LRRTM3: variants seen among roughly 807,000 people sequenced by gnomAD.
LRRTM3 encodes the protein leucine rich repeat transmembrane neuronal 3, also known as leucine-rich repeat transmembrane neuronal protein 3.
LRRTM3 carries 24 observed loss-of-function variants against 44.7 expected under a neutral mutation model. The ratio of observed to expected loss-of-function variants is 0.54; its 90% confidence interval spans 0.39 to 0.76. LRRTM3 has a LOEUF of 0.76. LRRTM3 is among the 30% of genes least tolerant of loss of function. The pLI is 0.00. For synonymous variants in LRRTM3, 277 were observed against 278.7 expected (o/e 0.99, Z 0.06); for missense variants, 587 against 702.2 (o/e 0.84, Z 1.85).
At chr10:66,955,059 T>G (rs1848717783) in intron 2 of LRRTM3, among the ~76,000 whole-genome samples, 1 of 152,198 alleles carries the variant, frequency 6.6e-6, no homozygotes, top group Admixed American at 6.5e-5. Flanking sequence ...TCCAAATTTC[T>G]TATCATATAA....
At chr10:66,938,477 A>T (rs534135758) in intron 2 of LRRTM3, among the ~76,000 whole-genome samples, 1 of 152,204 alleles carries the variant, frequency 6.6e-6, no homozygotes, top group African/African-American at 2.4e-5. Context: ...AAGGAAAAGA[A>T]AATATATTTA....
At chr10:66,939,415 T>C (rs750217922) in intron 2 of LRRTM3, among the ~76,000 whole-genome samples, 1 of 152,144 alleles carries the variant, frequency 6.6e-6, no homozygotes, top group African/African-American at 2.4e-5. Context: ...AAAAGGAAAA[T>C]ACTAATAGTT....
At chr10:67,026,245 A>T (rs547081447) in intron 2 of LRRTM3, among the ~76,000 whole-genome samples, 190 of 152,102 alleles carry the variant, frequency 1.2e-3, no homozygotes, top group Middle Eastern at 3.4e-3. Context: ...GTACCCTAAA[A>T]CTTAAAGTAT....
chr10:66,971,357 C>T lies in LRRTM3; in HGVS notation c.1536+42905C>T, dbSNP rs529859649. On this transcript the variant is annotated intron_variant, in intron 2 of 2. Transcript: ENST00000361320. ...AGAAGAATCGCTTGAACCCGGGAGG[C>T]GGAGGTTGCAGTGAGCCGAGATCGT... 1.6e-4 allele frequency among the ~76,000 whole-genome samples: 25 copies of T among 152,114 alleles called. No individual in the cohort carries two copies. In the East Asian group the frequency reaches 3.5e-3, roughly 21 times the overall value.
rs1196611487 is a variant in LRRTM3 at position 66,926,401 on chromosome 10, G to C, written c.-183G>C. 1.5e-6 allele frequency: 1 copy of C among 684,838 alleles called. No homozygotes were observed. Among genetic ancestry groups the C allele is most frequent in the East Asian group, 2.5e-5 (1 of 40,288 alleles). The allele number at this position is 684,838 out of a possible 1,614,324, so 42.4% of individuals were successfully genotyped here. On this transcript the variant is annotated 5_prime_UTR_variant, in exon 1 of 3. Transcript: ENST00000361320. ...GTGTTGGGATTTATTTGTTCTTGGAGTGTTCTGCGTGGCTGGCAAAGAATA... is the reference window on the plus strand; with the variant it reads ...GTGTTGGGATTTATTTGTTCTTGGACTGTTCTGCGTGGCTGGCAAAGAATA...
At chr10:67,020,709 C>G (rs537520915) in intron 2 of LRRTM3, among the ~76,000 whole-genome samples, 1 of 152,218 alleles carries the variant, frequency 6.6e-6, no homozygotes, top group Admixed American at 6.5e-5. Flanking sequence ...AGAATAAGCA[C>G]TAAAACCTGG....
At chr10:66,996,003 C>A (rs10822954) in intron 2 of LRRTM3, among the ~76,000 whole-genome samples, 35,403 of 152,058 alleles carry the variant, frequency 0.23, 5,228 homozygotes, top group East Asian at 0.39. Flanking sequence ...TTATATCCTA[C>A]ACAATCACTT....
At chr10:66,943,518 CCT>C in intron 2 of LRRTM3, among the ~76,000 whole-genome samples, 1 of 61,944 alleles carries the variant, frequency 1.6e-5, no homozygotes, top group Admixed American at 2.7e-4. Context: ...ATTCCCCCAC[CCT>C]TTTTTTTTTT....
chr10:67,078,867 A>G (rs1355761798), intron 2 of LRRTM3, among the ~76,000 whole-genome samples: 1 of 152,188 alleles, frequency 6.6e-6, no homozygotes, highest in African/African-American at 2.4e-5. Context: ...CAAGGTTAGC[A>G]GGACACTTGT....
At chr10:67,093,051 G>A (rs1366951569) in intron 2 of LRRTM3, among the ~76,000 whole-genome samples, 1 of 151,948 alleles carries the variant, frequency 6.6e-6, no homozygotes, top group African/African-American at 2.4e-5. Flanking sequence ...TTGGAAAACG[G>A]TGATTTAGAG....
intron 2 of LRRTM3, among the ~76,000 whole-genome samples, chr10:67,071,639 T>C (rs1160231531): frequency 1.3e-5 from 2 of 152,194 alleles, no homozygotes; most frequent in African/African-American, 2.4e-5. Context: ...CTTGAACTTG[T>C]GTGTGGCGGT....
intron 2 of LRRTM3, among the ~76,000 whole-genome samples, chr10:67,049,345 A>C (rs548890395): frequency 1.2e-3 from 190 of 152,264 alleles, no homozygotes; most frequent in Non-Finnish European, 2.0e-3. Flanking sequence ...AAAAGCATTA[A>C]ATTTCAAATC....
Position 66,927,018 on chromosome 10 carries a change from C to G in LRRTM3, c.102C>G (p.Cys34Trp). 1 of 1,614,102 alleles carries G rather than the reference C, an allele frequency of 6.2e-7. No homozygotes were observed. Among genetic ancestry groups the G allele is most frequent in the Non-Finnish European group, 8.5e-7 (1 of 1,180,020 alleles). ...TGCTTTCTTCTGCCGAACGAGGATGCCCTAAGGGCTGTAGGTGTGAAGGCA... is the reference window on the plus strand; with the variant it reads ...TGCTTTCTTCTGCCGAACGAGGATGGCCTAAGGGCTGTAGGTGTGAAGGCA... The part of the protein sequence containing the change: ...LTMLSSAERG[C>W]PKGCRCEGKM... The change falls in exon 2 of 3, where the codon TGC becomes TGG. Residue 34 changes from cysteine (C) to tryptophan (W), a missense_variant. By Grantham distance (215) the Cys-to-Trp change is radical. This residue lies in a region of LRRTM3 where 50 missense variants were observed against 43.4 expected (regional missense o/e 1.15). Transcript: ENST00000361320. This position sits in a 1 kb window ranked among gnomAD's most constrained non-coding sequence, Gnocchi z 4.7.
At chr10:67,011,244 G>C (rs1320987051) in intron 2 of LRRTM3, among the ~76,000 whole-genome samples, 3 of 151,950 alleles carry the variant, frequency 2.0e-5, no homozygotes, top group African/African-American at 2.4e-5. Context: ...GGGAGGCTGA[G>C]GCAGGAGAAT....
intron 2 of LRRTM3, among the ~76,000 whole-genome samples, chr10:67,095,461 C>A (rs1350504327): frequency 6.6e-6 from 1 of 151,744 alleles, no homozygotes; most frequent in Non-Finnish European, 1.5e-5. Context: ...TAAAACAGAT[C>A]ATCAGAGCTA....
At chr10:67,009,044 G>A (rs1057163870) in intron 2 of LRRTM3, among the ~76,000 whole-genome samples, 15 of 151,882 alleles carry the variant, frequency 9.9e-5, no homozygotes, top group African/African-American at 3.4e-4. Flanking sequence ...ATAAACCTGT[G>A]GGAAAACTAA....
rs1465722076 is a variant in LRRTM3 at position 67,073,678 on chromosome 10, G to A, written c.1537-23909G>A. ...AGAGATACAAAAGAAGTTATCTAGTGAGGTGTTTTTAAAAGCACATGAACA... is the reference window on the plus strand; with the variant it reads ...AGAGATACAAAAGAAGTTATCTAGTAAGGTGTTTTTAAAAGCACATGAACA... On this transcript the variant is annotated intron_variant, in intron 2 of 2. Transcript: ENST00000361320. 2.6e-5 allele frequency among the ~76,000 whole-genome samples: 4 copies of A among 151,974 alleles called. No homozygotes were observed. In the East Asian group the frequency reaches 7.7e-4, roughly 29 times the overall value.
intron 2 of LRRTM3, among the ~76,000 whole-genome samples, chr10:66,977,273 C>T (rs528872187): frequency 3.1e-4 from 47 of 152,086 alleles, no homozygotes; most frequent in Non-Finnish European, 5.7e-4. Flanking sequence ...CCCGTCTCTA[C>T]TAAAAACAAA....
chr10:67,009,998 T>C (rs1442714030), intron 2 of LRRTM3, among the ~76,000 whole-genome samples: 1 of 152,184 alleles, frequency 6.6e-6, no homozygotes, highest in African/African-American at 2.4e-5. Flanking sequence ...CTACCTGTCC[T>C]GGAGGCTTTA....
Sources: gnomAD v4.1 joint callset for allele counts (sites outside exome capture counted in the v4.1 genomes callset) on GRCh38, gnomAD v4.1.1 for gene constraint, gnomAD v4.1.1 regional missense constraint, Gnocchi (gnomAD v3.1) non-coding constraint, MANE v1.5 for transcripts, NCBI Gene and HGNC (gene_info 2026-07-23, HGNC 2026-07-21) for gene names.